The following PDE7B variants were observed in gnomAD, a reference collection of about 807,000 sequenced individuals.
PDE7B encodes phosphodiesterase 7B, also known as 3',5'-cyclic-AMP phosphodiesterase 7B.
Under a neutral mutation model 56.2 loss-of-function variants are expected in PDE7B, and 29 were observed. That is an observed-to-expected ratio of 0.52 (90% confidence interval 0.38 to 0.70). PDE7B has a LOEUF of 0.70. Ranked by LOEUF, PDE7B falls within the 30% of genes least tolerant of loss-of-function variation. The pLI is 0.00. For missense variants in PDE7B, 490 were observed against 565.0 expected (o/e 0.87, Z 1.35); for synonymous variants, 197 against 196.9 (o/e 1.00, Z 0.00).
At chr6:136,185,061 G>T (rs7746642) in intron 11 of PDE7B, among the ~76,000 whole-genome samples, 18,616 of 152,116 alleles carry the variant, frequency 0.12, 3,764 homozygotes, top group African/African-American at 0.42. Context: ...GAAACTGGCT[G>T]TAGGAGAGTT....
intron 1 of PDE7B, among the ~76,000 whole-genome samples, chr6:135,865,944 A>T (rs1444616453): frequency 6.6e-6 from 1 of 152,192 alleles, no homozygotes; most frequent in African/African-American, 2.4e-5. Context: ...TGAGGAAAAC[A>T]CATATAGTAT....
intron 2 of PDE7B, among the ~76,000 whole-genome samples, chr6:135,988,667 G>A (rs998534381): frequency 6.6e-6 from 1 of 152,102 alleles, no homozygotes; most frequent in African/African-American, 2.4e-5. Flanking sequence ...AGCATTCAAA[G>A]GAAATGGAAG....
chr6:136,062,706 C>T (rs1776863377), intron 2 of PDE7B, among the ~76,000 whole-genome samples: 1 of 152,208 alleles, frequency 6.6e-6, no homozygotes. Flanking sequence ...AGATCCCTTC[C>T]TCTCACCACC....
chr6:136,084,662 T>A (rs1201907401), intron 2 of PDE7B, among the ~76,000 whole-genome samples: 5 of 152,218 alleles, frequency 3.3e-5, no homozygotes, highest in Non-Finnish European at 5.9e-5. Context: ...GTTCTTATTA[T>A]AAGTATTAGG....
chr6:135,851,898 G>A lies in PDE7B; in HGVS notation c.-101G>A. ...TTACTTAATTATATTCCTAATCCTG[G>A]ATGAAGTTGCTGGATTCTGCAGCAC... On this transcript the variant is annotated 5_prime_UTR_variant, in exon 1 of 13. Transcript: ENST00000308191. The A allele has an allele frequency of 2.7e-6, 2 of 745,140 alleles. No individual in the cohort carries two copies. Among genetic ancestry groups the A allele is most frequent in the Non-Finnish European group, 4.8e-6 (2 of 420,262 alleles). The allele number at this position is 745,140 out of a possible 1,614,324, so 46.2% of individuals were successfully genotyped here.
intron 2 of PDE7B, among the ~76,000 whole-genome samples, chr6:136,009,614 A>C (rs945454557): frequency 2.6e-5 from 4 of 152,170 alleles, no homozygotes; most frequent in Non-Finnish European, 1.5e-5. Context: ...ATGGGCATTC[A>C]CTCATGATTT....
chr6:136,162,802 GT>G (rs1778728851), intron 8 of PDE7B, among the ~76,000 whole-genome samples: 1 of 152,166 alleles, frequency 6.6e-6, no homozygotes, highest in Non-Finnish European at 1.5e-5. Context: ...AAACAAAAGG[GT>G]TACAGGCCCC....
intron 2 of PDE7B, among the ~76,000 whole-genome samples, chr6:136,086,146 A>C (rs1265838553): frequency 1.3e-5 from 2 of 152,072 alleles, no homozygotes; most frequent in Non-Finnish European, 2.9e-5. Flanking sequence ...AATTCTTTCC[A>C]TTATTCTGTT....
In PDE7B at chr6:136,147,425, G is replaced by A. The variant is rs1328667811; in HGVS notation, c.241G>A (p.Ala81Thr). ...ATTAAGCTTTCAAAGATACTTCCAT[G>A]CATCAAGGCTGCTTCGTGGAATTAT... ...RLLSFQRYFH[A>T]SRLLRGIIPQ... The change falls in exon 4 of 13, where the codon GCA (alanine) becomes ACA (threonine). Residue 81 changes from alanine (A) to threonine (T), a missense_variant. Coordinates refer to ENST00000308191, the MANE Select transcript of PDE7B (RefSeq NM_018945.4). 4.3e-6 allele frequency: 7 copies of A among 1,612,918 alleles called. No individual in the cohort carries two copies. The highest frequency in any genetic ancestry group is 1.3e-5 in the African/African-American group (1 of 74,998).
At chr6:136,033,054 A>T (rs1258815762) in intron 2 of PDE7B, among the ~76,000 whole-genome samples, 1 of 152,244 alleles carries the variant, frequency 6.6e-6, no homozygotes, top group Non-Finnish European at 1.5e-5. Flanking sequence ...AGTGTACTCT[A>T]CCACCACTGT....
At chr6:136,151,305 A>G (rs374947335) in intron 6 of PDE7B, 50 bp downstream of exon 6, 1 of 877,702 alleles carries the variant, frequency 1.1e-6, no homozygotes, top group South Asian at 1.3e-5. Flanking sequence ...AATAATGGCA[A>G]TGCATAATAC....
At chr6:135,909,247 G>A (rs6570057) in intron 1 of PDE7B, among the ~76,000 whole-genome samples, 31,137 of 152,068 alleles carry the variant, frequency 0.2, 4,235 homozygotes, top group African/African-American at 0.39. Flanking sequence ...AAACAGAAGG[G>A]ATCTCAGAGG....
intron 1 of PDE7B, among the ~76,000 whole-genome samples, chr6:135,916,392 C>CTTTTTTTTTTTTTTTTTTTTTTT (rs566408380): frequency 2.7e-4 from 26 of 96,342 alleles, no homozygotes; most frequent in East Asian, 3.8e-4. Flanking sequence ...TCTTTTCTTT[C>CTTTTTTTTTTTTTTTTTTTTTTT]TTTTTTTTTT....
intron 2 of PDE7B, among the ~76,000 whole-genome samples, chr6:136,003,412 A>G (rs1044890077): frequency 1.3e-5 from 2 of 152,218 alleles, no homozygotes; most frequent in Non-Finnish European, 2.9e-5. Context: ...TGAATCCAGA[A>G]GCTGGTTTAT....
chr6:136,112,945 G>T (rs1777772319), intron 3 of PDE7B, among the ~76,000 whole-genome samples: 1 of 152,044 alleles, frequency 6.6e-6, no homozygotes, highest in Non-Finnish European at 1.5e-5. Flanking sequence ...TATTAATAGT[G>T]CCATTTTTCA....
At chr6:136,035,229 A>G (rs928663523) in intron 2 of PDE7B, 4 of 152,214 alleles carry the variant, frequency 2.6e-5, no homozygotes, top group African/African-American at 9.7e-5. Context: ...TACCATATCA[A>G]GATGAATGAT....
chr6:135,901,730 T>C (rs1184140219), intron 1 of PDE7B, among the ~76,000 whole-genome samples: 1 of 152,190 alleles, frequency 6.6e-6, no homozygotes. Flanking sequence ...CAGCGCACTA[T>C]GCTTATTTAC....
At chr6:135,977,224 G>C (rs926454827) in intron 2 of PDE7B, among the ~76,000 whole-genome samples, 1 of 152,144 alleles carries the variant, frequency 6.6e-6, no homozygotes, top group Non-Finnish European at 1.5e-5. Flanking sequence ...AGGGGCTTCT[G>C]AGAGGCTGAG....
At chr6:135,944,436 C>T (rs1295329180) in intron 1 of PDE7B, among the ~76,000 whole-genome samples, 1 of 151,936 alleles carries the variant, frequency 6.6e-6, no homozygotes, top group Admixed American at 6.6e-5. Context: ...AATCAGATTC[C>T]CTCAGGTATT....
Sources: gnomAD v4.1 joint callset for allele counts (sites outside exome capture counted in the v4.1 genomes callset) on GRCh38, gnomAD v4.1.1 for gene constraint, MANE v1.5 for transcripts, NCBI Gene and HGNC (gene_info 2026-07-23, HGNC 2026-07-21) for gene names.